PDLIM5: variants seen among roughly 807,000 people sequenced by gnomAD.
PDLIM5 encodes PDZ and LIM domain protein 5.
Under a neutral mutation model 64.2 loss-of-function variants are expected in PDLIM5, and 34 were observed. The ratio of observed to expected loss-of-function variants is 0.53; its 90% CI spans 0.40 to 0.71. The LOEUF is 0.71. Among genes scored for constraint, PDLIM5 ranks in the 30% least tolerant of loss-of-function variants. PDLIM5 has a pLI of 0.00. For missense variants in PDLIM5, 683 were observed against 733.6 expected (o/e 0.93, Z 0.80); for synonymous variants, 253 against 269.1 (o/e 0.94, Z 0.59).
intron 9 of PDLIM5, among the ~76,000 whole-genome samples, chr4:94,653,659 T>A (rs1742006688): frequency 6.6e-6 from 1 of 152,098 alleles, no homozygotes; most frequent in African/African-American, 2.4e-5. Context: ...AAATTTCAGT[T>A]ATACAAGATG....
At position 94,478,890 on chromosome 4, in the gene PDLIM5, G is replaced by GTTTTTTTTTTTTTTTTTTTTTT. The variant is rs67013211; in HGVS notation, c.96+23512_96+23533dup. 5.3e-5 allele frequency among the ~76,000 whole-genome samples: 5 copies of GTTTTTTTTTTTTTTTTTTTTTT among 94,084 alleles called. 2 individuals are homozygous for GTTTTTTTTTTTTTTTTTTTTTT. Among genetic ancestry groups the GTTTTTTTTTTTTTTTTTTTTTT allele is most frequent in the African/African-American group, 1.8e-4 (4 of 22,356 alleles). 61.7% of individuals were successfully genotyped at this position (94,084 alleles called of 152,430 possible). ...CCAAAAGAAGGTAGGTGTGCTTGGT[G>GTTTTTTTTTTTTTTTTTTTTTT]TTTTTTTTTTTTTTTTTTTTTTTTT... On this transcript the variant is annotated intron_variant, in intron 2 of 12. Coordinates refer to ENST00000317968, the MANE Select transcript of PDLIM5 (RefSeq NM_006457.5).
At chr4:94,461,791 C>T (rs889086891) in intron 2 of PDLIM5, among the ~76,000 whole-genome samples, 1 of 151,476 alleles carries the variant, frequency 6.6e-6, no homozygotes, top group East Asian at 1.9e-4. Context: ...CCCTAATAGG[C>T]GTAAATAGAG....
At chr4:94,554,258 C>G (rs1421010812) in intron 3 of PDLIM5, among the ~76,000 whole-genome samples, 1 of 152,086 alleles carries the variant, frequency 6.6e-6, no homozygotes, top group African/African-American at 2.4e-5. Flanking sequence ...TCCTTATTGT[C>G]TGTTAGCTTT....
intron 7 of PDLIM5, among the ~76,000 whole-genome samples, chr4:94,613,489 G>A (rs4392514): frequency 0.064 from 9,691 of 152,006 alleles, 1,061 homozygotes; most frequent in African/African-American, 0.22. Context: ...CTTCCTTTTC[G>A]TTTTTCCTCA....
At chr4:94,475,738 G>A (rs1473243507) in intron 2 of PDLIM5, among the ~76,000 whole-genome samples, 4 of 151,994 alleles carry the variant, frequency 2.6e-5, no homozygotes, top group African/African-American at 9.7e-5. Context: ...TTTTAAAATG[G>A]CATACATTTA....
intron 9 of PDLIM5, among the ~76,000 whole-genome samples, chr4:94,644,460 A>G (rs1358471722): frequency 6.6e-6 from 1 of 152,178 alleles, no homozygotes; most frequent in Non-Finnish European, 1.5e-5. Flanking sequence ...ACACCAAGAT[A>G]TATATTTAAG....
chr4:94,647,985 T>TA (rs1365500655), intron 9 of PDLIM5, among the ~76,000 whole-genome samples: 1 of 152,070 alleles, frequency 6.6e-6, no homozygotes, highest in Non-Finnish European at 1.5e-5. Flanking sequence ...AAATGTAATA[T>TA]ACCAAAACTT....
At chr4:94,636,320 T>G (rs1402032327) in intron 8 of PDLIM5, among the ~76,000 whole-genome samples, 1 of 152,150 alleles carries the variant, frequency 6.6e-6, no homozygotes, top group Non-Finnish European at 1.5e-5. Context: ...AGGTCTGATT[T>G]TCAGATTTTC....
At chr4:94,646,748 C>T (rs564955111) in intron 9 of PDLIM5, among the ~76,000 whole-genome samples, 3 of 152,198 alleles carry the variant, frequency 2.0e-5, no homozygotes, top group African/African-American at 7.2e-5. Context: ...CCATTGAAAA[C>T]TTCTATGCAA....
At chr4:94,552,796 A>C (rs992286407) in intron 3 of PDLIM5, among the ~76,000 whole-genome samples, 5 of 152,178 alleles carry the variant, frequency 3.3e-5, no homozygotes, top group Non-Finnish European at 7.4e-5. Context: ...TTGATTAAAA[A>C]AGAGTGATCT....
intron 10 of PDLIM5, among the ~76,000 whole-genome samples, chr4:94,655,941 A>G (rs1053310320): frequency 6.6e-6 from 1 of 152,218 alleles, no homozygotes; most frequent in African/African-American, 2.4e-5. Context: ...CATCTTCTAC[A>G]AATGTTCATG....
rs369869101 is a variant in PDLIM5, at chr4:94,579,560, A to G, written c.710+3526A>G. On this transcript the variant is annotated intron_variant, in intron 5 of 12. Transcript: ENST00000317968. The stretch of plus-strand genomic sequence containing the variant: ...AAAGTTAGTATCCACATTACTGGAG[A>G]GGAAATATGGTGATTTATATATGAG... 157 of 1,340,784 alleles carry G rather than the reference A, an allele frequency of 1.2e-4. No individual in the cohort carries two copies. In the African/African-American group the frequency reaches 2.0e-3, roughly 17 times the overall value. 83.1% of individuals were successfully genotyped at this position (1,340,784 alleles called of 1,614,324 possible). A position where few individuals can be genotyped will look rare whatever the true frequency, so the allele number is the denominator to read the frequency against.
chr4:94,529,773 TC>T (rs1261513159), intron 3 of PDLIM5, among the ~76,000 whole-genome samples: 3 of 152,160 alleles, frequency 2.0e-5, no homozygotes, highest in African/African-American at 7.2e-5. Flanking sequence ...CATATTTTTT[TC>T]CTGGCCGTGA....
chr4:94,605,380 C>T (rs144289864), intron 7 of PDLIM5, among the ~76,000 whole-genome samples: 9 of 152,276 alleles, frequency 5.9e-5, no homozygotes, highest in African/African-American at 1.7e-4. Flanking sequence ...GCATGAATAG[C>T]TCTTTGTTCA....
intron 7 of PDLIM5, among the ~76,000 whole-genome samples, chr4:94,615,761 AT>A (rs1008852732): frequency 6.6e-6 from 1 of 151,996 alleles, no homozygotes; most frequent in Non-Finnish European, 1.5e-5. Flanking sequence ...TTAGGAACAG[AT>A]TTTTTTCCTT....
chr4:94,660,215 G>T (rs1742574893), intron 11 of PDLIM5, among the ~76,000 whole-genome samples: 1 of 152,002 alleles, frequency 6.6e-6, no homozygotes, highest in African/African-American at 2.4e-5. Context: ...ACTTTTGAAG[G>T]CCTGTTTTGC....
At chr4:94,517,403 C>T (rs1339041759) in intron 2 of PDLIM5, among the ~76,000 whole-genome samples, 5 of 152,160 alleles carry the variant, frequency 3.3e-5, no homozygotes, top group Non-Finnish European at 7.3e-5. Flanking sequence ...ACAGCAGGTA[C>T]TGGAAAATAT....
intron 7 of PDLIM5, among the ~76,000 whole-genome samples, chr4:94,617,665 A>AG (rs1738894326): frequency 6.6e-6 from 1 of 150,422 alleles, no homozygotes; most frequent in African/African-American, 2.4e-5. Flanking sequence ...AAAAAAAAAA[A>AG]GTAGAAGAAG....
intron 3 of PDLIM5, among the ~76,000 whole-genome samples, chr4:94,534,190 G>C (rs1731125090): frequency 6.6e-6 from 1 of 152,124 alleles, no homozygotes; most frequent in Non-Finnish European, 1.5e-5. Flanking sequence ...TGTGGGTTAA[G>C]TCAGAAAGAC....
Sources: allele counts gnomAD v4.1 joint callset (sites outside exome capture counted in the v4.1 genomes callset), GRCh38; gene constraint gnomAD v4.1.1; transcripts MANE v1.5; gene names NCBI Gene and HGNC (gene_info 2026-07-23, HGNC 2026-07-21).